ITPR2: variants seen among roughly 807,000 people sequenced by gnomAD.
ITPR2 encodes inositol 1,4,5-trisphosphate-gated calcium channel ITPR2.
ITPR2 carries 207 observed loss-of-function variants against 317.1 expected under a neutral mutation model. The ratio of observed to expected loss-of-function variants is 0.65; its 90% CI spans 0.58 to 0.73. The LOEUF (loss-of-function observed/expected upper bound fraction) is 0.73, where lower values mean the gene tolerates loss of function less well. Among genes scored for constraint, ITPR2 ranks in the 30% least tolerant of loss-of-function variants. The pLI is 0.00. For missense variants in ITPR2, 2,613 were observed against 3,284.0 expected (o/e 0.80, Z 4.99); for synonymous variants, 1,156 against 1,149.1 (o/e 1.01, Z -0.12).
chr12:26,802,660 T>C (rs1268607990), intron 1 of ITPR2, among the ~76,000 whole-genome samples: 2 of 150,622 alleles, frequency 1.3e-5, no homozygotes, highest in South Asian at 2.1e-4. Flanking sequence ...TAGATATCTA[T>C]ATATACATAT....
chr12:26,339,418 A>G lies in ITPR2; in HGVS notation c.8085T>C (p.Asn2695=). The stretch of plus-strand genomic sequence containing the variant: ...GGTATCAGTGTGGTGGCATGTGATG[A>G]TTCACATGGGGTGTGTTTGATCCGA... The part of the protein sequence containing the change: ...GFLGSNTPHV[N]HHMPPH Residue 2695 remains asparagine, a synonymous_variant, in exon 57 of 57, where the codon AAT becomes AAC. Coordinates refer to ENST00000381340, the MANE Select transcript of ITPR2 (RefSeq NM_002223.4). 8 of 1,613,364 alleles carry G rather than the reference A, an allele frequency of 5.0e-6. No homozygotes were observed. Among genetic ancestry groups the G allele is most frequent in the Non-Finnish European group, 6.8e-6 (8 of 1,179,402 alleles).
chr12:26,452,844 T>C (rs551670147), intron 45 of ITPR2, among the ~76,000 whole-genome samples: 2 of 152,122 alleles, frequency 1.3e-5, no homozygotes, highest in Non-Finnish European at 2.9e-5. Context: ...AGCCACTAGA[T>C]AAATCTCTTG....
intron 15 of ITPR2, among the ~76,000 whole-genome samples, chr12:26,660,793 T>C (rs1252170957): frequency 6.6e-6 from 1 of 152,134 alleles, no homozygotes; most frequent in Non-Finnish European, 1.5e-5. Flanking sequence ...AATAACTAAA[T>C]GAAATTAGAG....
At chr12:26,456,524 G>T (rs1441000597) in intron 45 of ITPR2, among the ~76,000 whole-genome samples, 1 of 152,148 alleles carries the variant, frequency 6.6e-6, no homozygotes, top group Non-Finnish European at 1.5e-5. Flanking sequence ...TGCCCTCGGT[G>T]CTGCTCTGTT....
chr12:26,476,878 C>T (rs772142435), intron 44 of ITPR2, 34 bp downstream of exon 44: 3 of 1,449,974 alleles, frequency 2.1e-6, no homozygotes, highest in Non-Finnish European at 2.9e-6. Flanking sequence ...TTTAGGCTAC[C>T]CAATATTGAC....
intron 1 of ITPR2, among the ~76,000 whole-genome samples, chr12:26,805,302 A>T (rs184407626): frequency 4.8e-4 from 73 of 152,360 alleles, no homozygotes; most frequent in African/African-American, 1.7e-3. Context: ...TTTAAAATTA[A>T]CTGATTTAAT....
At chr12:26,391,555 CCTTTTT>C (rs780881292) in intron 54 of ITPR2, among the ~76,000 whole-genome samples, 13,646 of 70,500 alleles carry the variant, frequency 0.19, 1,371 homozygotes, top group South Asian at 0.25. Context: ...TTCTTCTTTT[CCTTTTT>C]TTTTTTTTTT....
chr12:26,488,835 C>CTA (rs1367668086), intron 39 of ITPR2, among the ~76,000 whole-genome samples: 1 of 152,020 alleles, frequency 6.6e-6, no homozygotes, highest in Non-Finnish European at 1.5e-5. Flanking sequence ...TGTAGTTCTT[C>CTA]TATATATATT....
intron 34 of ITPR2, among the ~76,000 whole-genome samples, chr12:26,570,793 CA>C (rs1945138739): frequency 6.6e-6 from 1 of 152,106 alleles, no homozygotes; most frequent in Non-Finnish European, 1.5e-5. Flanking sequence ...TATTTTACTT[CA>C]AATAAACGAA....
chr12:26,446,450 T>C (rs1469501906), intron 45 of ITPR2, among the ~76,000 whole-genome samples: 1 of 152,150 alleles, frequency 6.6e-6, no homozygotes. Flanking sequence ...GAGACAGTAA[T>C]TTGAATAATT....
At chr12:26,662,903 T>C (rs992928510) in intron 15 of ITPR2, among the ~76,000 whole-genome samples, 1 of 152,142 alleles carries the variant, frequency 6.6e-6, no homozygotes, top group African/African-American at 2.4e-5. Context: ...ACTCCTGGCC[T>C]TGAGTAATCC....
intron 45 of ITPR2, among the ~76,000 whole-genome samples, chr12:26,468,823 T>A (rs1419364524): frequency 6.6e-6 from 1 of 152,240 alleles, no homozygotes; most frequent in Non-Finnish European, 1.5e-5. Context: ...ATTACAGTTA[T>A]CAAAGATGTT....
intron 23 of ITPR2, among the ~76,000 whole-genome samples, chr12:26,625,427 A>G (rs73072587): frequency 0.14 from 20,617 of 152,190 alleles, 1,893 homozygotes; most frequent in Admixed American, 0.19. Context: ...CTGCATCAAA[A>G]TACTCCATAT....
At chr12:26,666,586 G>A (rs915465741) in intron 13 of ITPR2, among the ~76,000 whole-genome samples, 1 of 151,668 alleles carries the variant, frequency 6.6e-6, no homozygotes, top group African/African-American at 2.4e-5. Flanking sequence ...CCTAATCCTC[G>A]CCACATTTCA....
intron 34 of ITPR2, among the ~76,000 whole-genome samples, chr12:26,576,368 T>G (rs1393415): frequency 0.31 from 47,293 of 151,856 alleles, 8,373 homozygotes; most frequent in Non-Finnish European, 0.4. Flanking sequence ...AAAATTACGT[T>G]CTCTTTCTTT....
intron 2 of ITPR2, among the ~76,000 whole-genome samples, chr12:26,777,142 G>C (rs990808133): frequency 6.6e-6 from 1 of 152,192 alleles, no homozygotes; most frequent in African/African-American, 2.4e-5. Context: ...TATTTACTTG[G>C]TTAGCTGAAA....
chr12:26,721,171 C>T (rs771852269), intron 5 of ITPR2: 9 of 432,440 alleles, frequency 2.1e-5, no homozygotes, highest in Non-Finnish European at 3.7e-5. Context: ...GCTCACAGCA[C>T]ACATCACCTG....
intron 2 of ITPR2, among the ~76,000 whole-genome samples, chr12:26,736,389 A>G (rs1386231583): frequency 6.6e-6 from 1 of 152,212 alleles, no homozygotes; most frequent in Non-Finnish European, 1.5e-5. Context: ...ATTAAAATCT[A>G]GATTTTTTTT....
chr12:26,407,173 TC>T (rs1816862786), intron 52 of ITPR2, among the ~76,000 whole-genome samples: 1 of 152,170 alleles, frequency 6.6e-6, no homozygotes, highest in African/African-American at 2.4e-5. Context: ...GAGGAACAAA[TC>T]ACCATTTGTT....
Sources: allele counts gnomAD v4.1 joint callset (sites outside exome capture counted in the v4.1 genomes callset), GRCh38; gene constraint gnomAD v4.1.1; transcripts MANE v1.5; gene names NCBI Gene and HGNC (gene_info 2026-07-23, HGNC 2026-07-21).